Variants in SLC35F3 observed in about 807,000 individuals in gnomAD.
SLC35F3 encodes the protein putative thiamine transporter SLC35F3.
In SLC35F3, 25 loss-of-function variants were observed where a neutral mutation model predicts 49.9. The observed-to-expected ratio is 0.50, with a 90% confidence interval of 0.37 to 0.70. The LOEUF is 0.70. Among genes scored for constraint, SLC35F3 ranks in the 30% least tolerant of loss-of-function variants. SLC35F3 has a pLI of 0.00. For synonymous variants in SLC35F3, 275 were observed against 265.4 expected, an observed-to-expected ratio of 1.04 and a Z score of -0.35; for missense variants, 525 against 639.8, an observed-to-expected ratio of 0.82 and a Z score of 1.94.
At chr1:234,281,622 T>G (rs1668327050) in intron 3 of SLC35F3, among the ~76,000 whole-genome samples, 1 of 152,320 alleles carries the variant, frequency 6.6e-6, no homozygotes, top group South Asian at 2.1e-4. Context: ...AATAGAATCC[T>G]GAGACATACA....
chr1:234,148,666 C>T (rs1666030528), intron 2 of SLC35F3, among the ~76,000 whole-genome samples: 1 of 152,180 alleles, frequency 6.6e-6, no homozygotes, highest in Non-Finnish European at 1.5e-5. Flanking sequence ...ATCACTCTGG[C>T]TGCTTTACAA....
chr1:234,112,467 G>A (rs1035201431), intron 2 of SLC35F3, among the ~76,000 whole-genome samples: 3 of 151,486 alleles, frequency 2.0e-5, no homozygotes, highest in African/African-American at 7.3e-5. Context: ...CTTCTACCCC[G>A]TATTTCCAAA....
At position 234,155,393 on chromosome 1, in the gene SLC35F3, C is replaced by CTGATGATGATGATGATGA. The variant is rs141313348; in HGVS notation, c.284-76020_284-76019insGATGATGATGATGATGAT. ...CTTCTAAGTGAAAACTGCTATTCAC[C>CTGATGATGATGATGATGA]TGATTATTATTATTATTATTATTAT... On this transcript the variant is annotated intron_variant, in intron 2 of 7. Coordinates refer to ENST00000366618, the MANE Select transcript of SLC35F3 (RefSeq NM_173508.4). 8.0e-5 allele frequency among the ~76,000 whole-genome samples: 8 copies of CTGATGATGATGATGATGA among 99,606 alleles called. No homozygotes were observed. The East Asian group carries it at 8.6e-3, about 107-fold the overall frequency. The allele number at this position is 99,606 out of a possible 152,430, so 65.3% of individuals were successfully genotyped here.
In SLC35F3 at chr1:234,098,103, G is replaced by A. The variant is rs570820662; in HGVS notation, c.284-133314G>A. On this transcript the variant is annotated intron_variant, in intron 2 of 7. Coordinates refer to ENST00000366618, the MANE Select transcript of SLC35F3 (RefSeq NM_173508.4). Reference sequence around the variant, plus strand: ...GTCATAGGGTGATGATGGAGGTGGTGACTGTGTTAGTGGTGGTGGTGGTGG... The same window carrying A: ...GTCATAGGGTGATGATGGAGGTGGTAACTGTGTTAGTGGTGGTGGTGGTGG... Among the ~76,000 whole-genome samples, 12 of 151,316 alleles carry A rather than the reference G, an allele frequency of 7.9e-5. No individual in the cohort carries two copies. The East Asian group carries it at 2.3e-3, about 30-fold the overall frequency.
chr1:234,321,944 G>A (rs1657629900), intron 7 of SLC35F3, among the ~76,000 whole-genome samples: 1 of 152,152 alleles, frequency 6.6e-6, no homozygotes, highest in African/African-American at 2.4e-5. Flanking sequence ...ACTTTGGGAG[G>A]CCAAGGTGGG....
chr1:234,258,880 C>G (rs958791961), intron 3 of SLC35F3, among the ~76,000 whole-genome samples: 14 of 152,192 alleles, frequency 9.2e-5, no homozygotes. Context: ...CACCATCCAA[C>G]TAGTGGAAAT....
intron 2 of SLC35F3, among the ~76,000 whole-genome samples, chr1:233,983,406 A>G (rs1663216883): frequency 6.6e-6 from 1 of 152,236 alleles, no homozygotes; most frequent in Non-Finnish European, 1.5e-5. Flanking sequence ...TCCTCCCTAC[A>G]AATTTAATTT....
intron 2 of SLC35F3, among the ~76,000 whole-genome samples, chr1:234,218,917 C>T (rs762614515): frequency 1.5e-4 from 23 of 151,922 alleles, no homozygotes; most frequent in Admixed American, 9.2e-4. Context: ...GACATGGTGG[C>T]GTGCACCTGC....
At position 233,952,503 on chromosome 1, in the gene SLC35F3, A is replaced by G. The variant is rs193066120; in HGVS notation, c.283+46745A>G. ...CATTGAAGATAAACTGTGGTTTTTC[A>G]TAGGGCAAAGTCTCTTCCACACCAT... On this transcript the variant is annotated intron_variant, in intron 2 of 7. Transcript: ENST00000366618. 1.8e-4 allele frequency among the ~76,000 whole-genome samples: 28 copies of G among 152,274 alleles called. No individual in the cohort carries two copies. The East Asian group carries it at 3.1e-3, about 17-fold the overall frequency.
intron 4 of SLC35F3, among the ~76,000 whole-genome samples, chr1:234,314,888 C>G (rs1182244909): frequency 6.6e-6 from 1 of 152,180 alleles, no homozygotes; most frequent in Non-Finnish European, 1.5e-5. Context: ...GATGCCTGCC[C>G]GGTTTGGCGT....
At chr1:234,284,417 G>A (rs1171101024) in intron 3 of SLC35F3, among the ~76,000 whole-genome samples, 2 of 152,170 alleles carry the variant, frequency 1.3e-5, no homozygotes, top group Non-Finnish European at 2.9e-5. Flanking sequence ...TCCTGCTCAT[G>A]TTCCACATAA....
chr1:234,231,573 C>G lies in SLC35F3; in HGVS notation c.440C>G (p.Ser147Cys). 4.3e-6 allele frequency: 7 copies of G among 1,614,162 alleles called. No individual in the cohort carries two copies. Among genetic ancestry groups the G allele is most frequent in the Non-Finnish European group, 5.9e-6 (7 of 1,180,010 alleles). ...WGVAVVLCVC[S>C]SWAGSTQLAK... The stretch of plus-strand genomic sequence containing the variant: ...GTGGCGGTCGTGCTGTGCGTGTGCT[C>G]CTCGTGGGCGGGCTCCACGCAGCTC... The change falls in exon 3 of 8, where the codon TCC becomes TGC. Residue 147 changes from serine (S) to cysteine (C), a missense_variant. This residue lies in a region of SLC35F3 where 228 missense variants were observed against 218.9 expected (regional missense o/e 1.04). Coordinates refer to ENST00000366618, the MANE Select transcript of SLC35F3 (RefSeq NM_173508.4). This position sits in a 1 kb window ranked among gnomAD's most constrained non-coding sequence, Gnocchi z 5.4.
chr1:234,049,638 G>T (rs1052560152), intron 2 of SLC35F3, among the ~76,000 whole-genome samples: 13 of 152,088 alleles, frequency 8.5e-5, no homozygotes, highest in African/African-American at 1.7e-4. Context: ...TTGTTTGTTT[G>T]TTTGTTTGTT....
At chr1:234,195,922 C>G (rs907968022) in intron 2 of SLC35F3, among the ~76,000 whole-genome samples, 41 of 152,162 alleles carry the variant, frequency 2.7e-4, no homozygotes, top group African/African-American at 9.9e-4. Flanking sequence ...GTAAGACATG[C>G]CTTTCGCCTT....
intron 2 of SLC35F3, among the ~76,000 whole-genome samples, chr1:234,126,853 G>C (rs148537570): frequency 2.0e-5 from 3 of 152,186 alleles, no homozygotes; most frequent in East Asian, 1.9e-4. Context: ...GCACTACCGT[G>C]CTGGGCTAAT....
intron 2 of SLC35F3, among the ~76,000 whole-genome samples, chr1:234,140,281 A>G (rs1256929590): frequency 6.6e-6 from 1 of 152,152 alleles, no homozygotes; most frequent in African/African-American, 2.4e-5. Context: ...GCATTTAATC[A>G]TCTCGCATCA....
Position 234,046,317 on chromosome 1 carries a change from A to G in SLC35F3, c.283+140559A>G, listed in dbSNP as rs1207801718. ...AGATTTTAAATACTTTTTCAATCTA[A>G]TGCTTATGAAGTGGATGGTATCTTT... On this transcript the variant is annotated intron_variant, in intron 2 of 7. Transcript: ENST00000366618. This position sits in a 1 kb window ranked among gnomAD's most constrained non-coding sequence, Gnocchi z 4.4. Among the ~76,000 whole-genome samples the G allele has an allele frequency of 3.3e-5, 5 of 152,208 alleles. No homozygotes were observed. Among genetic ancestry groups the G allele is most frequent in the African/African-American group, 1.2e-4 (5 of 41,460 alleles).
chr1:234,286,313 C>A (rs922145144), intron 3 of SLC35F3, among the ~76,000 whole-genome samples: 4 of 151,798 alleles, frequency 2.6e-5, no homozygotes, highest in African/African-American at 9.7e-5. Context: ...GAAAGAAGGG[C>A]CAAATAGAAC....
At chr1:233,943,244 G>C (rs1054213155) in intron 2 of SLC35F3, among the ~76,000 whole-genome samples, 8 of 152,226 alleles carry the variant, frequency 5.3e-5, no homozygotes, top group African/African-American at 1.9e-4. Flanking sequence ...CTAATTCAAA[G>C]AGTGGTCTAT....
Sources: allele counts gnomAD v4.1 joint callset (sites outside exome capture counted in the v4.1 genomes callset), GRCh38; gene constraint gnomAD v4.1.1; regional missense constraint gnomAD v4.1.1; non-coding constraint Gnocchi (gnomAD v3.1); transcripts MANE v1.5; gene names NCBI Gene and HGNC (gene_info 2026-07-23, HGNC 2026-07-21).